CTC1: variants seen among roughly 807,000 people sequenced by gnomAD.
CTC1 encodes CST complex subunit CTC1.
In CTC1, 91 loss-of-function variants were observed where a neutral mutation model predicts 136.3. The ratio of observed to expected loss-of-function variants is 0.67; its 90% confidence interval spans 0.56 to 0.79. The LOEUF (loss-of-function observed/expected upper bound fraction) is 0.79. CTC1 is among the 30% of genes least tolerant of loss of function. CTC1 has a pLI of 0.00. For synonymous variants in CTC1, 606 were observed against 613.8 expected (o/e 0.99, Z 0.19); for missense variants, 1,432 against 1,498.1 (o/e 0.96, Z 0.73).
Position 8,231,389 on chromosome 17 carries a change from G to A in CTC1, c.2556C>T (p.Leu852=). The A allele has an allele frequency of 1.9e-6, 3 of 1,613,716 alleles. No individual in the cohort carries two copies. The highest frequency in any genetic ancestry group is 1.3e-5 in the African/African-American group (1 of 75,042). The change falls in exon 15 of 23, where the codon CTC becomes CTT. Residue 852 remains leucine (L), a synonymous_variant. Transcript: ENST00000651323. ...CCAGAGTCCAGTTGTCCTGGACAGT[G>A]AGGCAGGATGCACAGCCAGCCAACT... ...PLELAGCASC[L]TVQDNWTLEL... is the part of the protein sequence containing the mutation.
chr17:8,227,439 C>T lies in CTC1; in HGVS notation c.*741G>A, dbSNP rs1421662951. Reference sequence around the variant, plus strand: ...GGAAACCTACAGGGCTAACCGTAGCCTGGGGCCCTATAGCACAGTCACCCA... The same window carrying T: ...GGAAACCTACAGGGCTAACCGTAGCTTGGGGCCCTATAGCACAGTCACCCA... On this transcript the variant is annotated 3_prime_UTR_variant, in exon 23 of 23. Transcript: ENST00000651323. 6.6e-6 allele frequency: 1 copy of T among 152,250 alleles called. No homozygotes were observed. Among genetic ancestry groups the T allele is most frequent in the East Asian group, 1.9e-4 (1 of 5,192 alleles). The allele number at this position is 152,250 out of a possible 1,614,324, so 9.4% of individuals were successfully genotyped here. A position where few individuals can be genotyped will look rare whatever the true frequency, so the allele number is the denominator to read the frequency against.
At chr17:8,246,206 CAAAAAAAAAAA>C (rs57484918) in intron 1 of CTC1, among the ~76,000 whole-genome samples, 2 of 87,326 alleles carry the variant, frequency 2.3e-5, no homozygotes, top group Non-Finnish European at 4.3e-5. Flanking sequence ...GACCTTGTTT[CAAAAAAAAAAA>C]AAAAAAAAAA....
intron 2 of CTC1, among the ~76,000 whole-genome samples, chr17:8,241,108 G>GTAAA (rs1456014908): frequency 6.6e-6 from 1 of 151,916 alleles, no homozygotes; most frequent in African/African-American, 2.4e-5. Flanking sequence ...GGCCAACATG[G>GTAAA]TAAAACCCCA....
rs1987274856 is a variant in CTC1, at chr17:8,231,996, A to G, written c.2292T>C (p.Tyr764=). ...PEVPKPALSF[Y]VLGSWLGGTQ... ...TGCCCCCAAGCCAGCTCCCCAACAC[A>G]TAGAAACTGAGGGCGGGCTTGGGCA... The change falls in exon 13 of 23, where the codon TAT becomes TAC. Residue 764 remains tyrosine (Y), a synonymous_variant. Coordinates refer to ENST00000651323, the MANE Select transcript of CTC1 (RefSeq NM_025099.6). 1.2e-6 allele frequency: 2 copies of G among 1,605,128 alleles called. No homozygotes were observed. Among genetic ancestry groups the G allele is most frequent in the Admixed American group, 3.4e-5 (2 of 58,114 alleles).
intron 5 of CTC1, among the ~76,000 whole-genome samples, chr17:8,236,554 C>G (rs1987748164): frequency 6.6e-6 from 1 of 152,218 alleles, no homozygotes; most frequent in South Asian, 2.1e-4. Context: ...CCCCAACATA[C>G]AAACCATCCC....
intron 3 of CTC1, 23 bp from the exon 4 acceptor site, chr17:8,238,265 G>A: frequency 6.3e-7 from 1 of 1,584,048 alleles, no homozygotes. Context: ...AAGAGCAAGG[G>A]TTAATCAGAA....
Position 8,229,216 on chromosome 17 carries a change from A to G in CTC1, c.3157-10T>C, listed in dbSNP as rs1938230646. Reference sequence around the variant, plus strand: ...GGCGAGTGCACTTTCCCTGGGATGAAGACAGTGGTTGGAAAAGTCCTCTTG... The same window carrying G: ...GGCGAGTGCACTTTCCCTGGGATGAGGACAGTGGTTGGAAAAGTCCTCTTG... On this transcript the variant is annotated splice_polypyrimidine_tract_variant and intron_variant, in intron 19 of 22. Transcript: ENST00000651323. The G allele has an allele frequency of 6.2e-7, 1 of 1,614,186 alleles. No individual in the cohort carries two copies. Among genetic ancestry groups the G allele is most frequent in the Non-Finnish European group, 8.5e-7 (1 of 1,180,038 alleles).
intron 1 of CTC1, among the ~76,000 whole-genome samples, chr17:8,244,715 C>T (rs1159884635): frequency 2.6e-5 from 4 of 152,004 alleles, no homozygotes; most frequent in Non-Finnish European, 4.4e-5. Flanking sequence ...TTAGTAGAGA[C>T]GAAGTTTCAC....
rs751450242 is a variant in CTC1, at chr17:8,232,428, C to T, written c.1993G>A (p.Val665Met). The change falls in exon 12 of 23, where the codon GTG becomes ATG. Residue 665 changes from valine (V) to methionine (M), a missense_variant. Physicochemically the swap from Val to Met is conservative, Grantham distance 21. Transcript: ENST00000651323. Reference protein sequence around the residue: ...ERFQLIVERDVRSSFPSWKEL... With the variant: ...ERFQLIVERDMRSSFPSWKEL... ...TTCCAGGAAGGGAAGCTGCTTCTCA[C>T]GTCCCTCTCTACGATCAACTGAAAC... The T allele has an allele frequency of 3.1e-6, 5 of 1,614,180 alleles. No homozygotes were observed. The highest frequency in any genetic ancestry group is 1.7e-5 in the Admixed American group (1 of 60,016).
At chr17:8,245,400 G>A (rs1488589906) in intron 1 of CTC1, among the ~76,000 whole-genome samples, 4 of 152,136 alleles carry the variant, frequency 2.6e-5, no homozygotes, top group African/African-American at 9.7e-5. Flanking sequence ...CTCATTCATG[G>A]TCAGAGTTGT....
chr17:8,236,394 C>T (rs1371596031), intron 5 of CTC1, 52 bp from the exon 6 acceptor site: 2 of 1,556,902 alleles, frequency 1.3e-6, no homozygotes, highest in Admixed American at 3.5e-5. Context: ...AACACTGCCA[C>T]TCTGCCAGAG....
intron 11 of CTC1, 168 bp downstream of exon 11, chr17:8,232,738 C>G: frequency 1.1e-6 from 1 of 901,550 alleles, no homozygotes; most frequent in Admixed American, 2.3e-5. Context: ...GCTAGGGGTC[C>G]TCTTGCTCCT....
chr17:8,230,502 T>C (rs1987124658), intron 16 of CTC1, 34 bp from the exon 17 acceptor site: 1 of 1,613,638 alleles, frequency 6.2e-7, no homozygotes, highest in African/African-American at 1.3e-5. Context: ...GTAGGATCTG[T>C]GAAGTCCACA....
At chr17:8,228,364 T>A in intron 22 of CTC1, 45 bp from the exon 23 acceptor site, 2 of 1,609,084 alleles carry the variant, frequency 1.2e-6, no homozygotes, top group Non-Finnish European at 1.7e-6. Context: ...GGCATGTGGC[T>A]TTTAGTTCCC....
chr17:8,231,203 C>A, intron 15 of CTC1, 73 bp downstream of exon 15: 1 of 1,258,676 alleles, frequency 7.9e-7, no homozygotes, highest in Non-Finnish European at 1.1e-6. Context: ...AAAATGAAGT[C>A]TTCACCAAAC....
rs748414123 is a variant in CTC1 at position 8,238,451 on chromosome 17, G to T, written c.376C>A (p.Gln126Lys). ...TLTDLSADLE[Q>K]ECRNGSLYVR... ...TAGAGGCTTCCGTTCCTGCACTCTT[G>T]TTCCAAGTCTGCCGATAGGTCTGTT... is the stretch of plus-strand genomic sequence containing the variant. Residue 126 changes from glutamine to lysine, a missense_variant, in exon 3 of 23, where the codon CAA (glutamine) becomes AAA (lysine). Physicochemically the swap from Gln to Lys is moderately conservative, Grantham distance 53. Coordinates refer to ENST00000651323, the MANE Select transcript of CTC1 (RefSeq NM_025099.6). The T allele has an allele frequency of 6.2e-7, 1 of 1,614,192 alleles. No homozygotes were observed. The highest frequency in any genetic ancestry group is 2.2e-5 in the East Asian group (1 of 44,884).
At chr17:8,231,236 G>C (rs757206854) in intron 15 of CTC1, 40 bp downstream of exon 15, 21 of 1,463,760 alleles carry the variant, frequency 1.4e-5, no homozygotes, top group Non-Finnish European at 1.8e-5. Flanking sequence ...GGAGAAGAGA[G>C]AGTGGCCAAA....
At chr17:8,240,717 C>T (rs563434966) in intron 2 of CTC1, among the ~76,000 whole-genome samples, 43 of 146,728 alleles carry the variant, frequency 2.9e-4, no homozygotes, top group African/African-American at 1.0e-3. Flanking sequence ...CCGTCTCTAC[C>T]AAAAATACAA....
chr17:8,233,887 T>C (rs539554544), intron 10 of CTC1, among the ~76,000 whole-genome samples: 4 of 151,622 alleles, frequency 2.6e-5, no homozygotes, highest in Admixed American at 1.3e-4. Context: ...CAATGAGCCA[T>C]GATCGCGCCA....
Sources: gnomAD v4.1 joint callset for allele counts (sites outside exome capture counted in the v4.1 genomes callset) on GRCh38, gnomAD v4.1.1 for gene constraint, MANE v1.5 for transcripts, NCBI Gene and HGNC (gene_info 2026-07-23, HGNC 2026-07-21) for gene names.